The following ADGRE2 variants were observed in gnomAD, a reference collection of about 807,000 sequenced individuals.
ADGRE2 encodes CD97 antigen.
ADGRE2 carries 83 observed loss-of-function variants against 100.8 expected under a neutral mutation model. The observed-to-expected ratio is 0.82, with a 90% CI of 0.69 to 0.99. The LOEUF is 0.99. Ranked by LOEUF, ADGRE2 falls within the 50% of genes least tolerant of loss-of-function variation. The pLI, the probability that ADGRE2 is intolerant of heterozygous loss-of-function variation, is 0.00. For missense variants in ADGRE2, 814 were observed against 1,035.7 expected, an observed-to-expected ratio of 0.79 and a Z score of 2.94; for synonymous variants, 355 against 413.0, an observed-to-expected ratio of 0.86 and a Z score of 1.70.
intron 11 of ADGRE2, 134 bp downstream of exon 11, chr19:14,764,299 T>C: frequency 2.6e-6 from 2 of 769,924 alleles, no homozygotes; most frequent in Non-Finnish European, 2.1e-6. Flanking sequence ...TATTTCTTTT[T>C]AATCTCTTAT....
In ADGRE2 at chr19:14,735,121, CTT is replaced by C. The variant is rs2042724992; in HGVS notation, c.*1113_*1114del. 6.6e-6 allele frequency: 1 copy of C among 152,178 alleles called. No individual in the cohort carries two copies. Among genetic ancestry groups the C allele is most frequent in the Non-Finnish European group, 1.5e-5 (1 of 68,020 alleles). The allele number at this position is 152,178 out of a possible 1,614,324, so 9.4% of individuals were successfully genotyped here. A position where few individuals can be genotyped will look rare whatever the true frequency, so the allele number is the denominator to read the frequency against. On this transcript the variant is annotated 3_prime_UTR_variant, in exon 21 of 21. Transcript: ENST00000315576. ...CTGCAGCTCGATTTTACAGGCTGTT[CTT>C]TGTTAGAAAAGAAAATGATTTTGGG...
chr19:14,739,524 T>A (rs1369682417), intron 20 of ADGRE2, among the ~76,000 whole-genome samples: 1 of 152,134 alleles, frequency 6.6e-6, no homozygotes, highest in East Asian at 1.9e-4. Context: ...GGTGAAAGGG[T>A]GATAAATATT....
chr19:14,761,178 C>T (rs1326103149), intron 11 of ADGRE2, among the ~76,000 whole-genome samples: 13 of 152,246 alleles, frequency 8.5e-5, no homozygotes, highest in Middle Eastern at 3.4e-3. Flanking sequence ...CCGAGGCAGG[C>T]GGATCACGAG....
At chr19:14,758,356 A>G (rs1338100292) in intron 11 of ADGRE2, among the ~76,000 whole-genome samples, 2 of 152,254 alleles carry the variant, frequency 1.3e-5, no homozygotes, top group African/African-American at 4.8e-5. Flanking sequence ...AAATAGGCAA[A>G]GGATTTGAAT....
rs1400444740 is a variant in ADGRE2 at position 14,751,599 on chromosome 19, C to T, written c.1861G>A (p.Ala621Thr). ...LATLTWMLLE[A>T]LYLFLTARNL... ...CGTGCAGTGAGGAAGAGGTACAGGG[C>T]CTCCAGCAGCATCCAGGTCAAGGTG... The change falls in exon 16 of 21, where the codon GCC becomes ACC. Residue 621 changes from alanine (A) to threonine (T), a missense_variant. Physicochemically the swap from Ala to Thr is moderately conservative, Grantham distance 58 (BLOSUM62 0). Coordinates refer to ENST00000315576, the MANE Select transcript of ADGRE2 (RefSeq NM_013447.4). 5 of 1,613,832 alleles carry T rather than the reference C, an allele frequency of 3.1e-6. No individual in the cohort carries two copies. In the South Asian group the frequency reaches 4.4e-5, roughly 14 times the overall value.
intron 15 of ADGRE2, among the ~76,000 whole-genome samples, chr19:14,751,892 T>TAC (rs149318162): frequency 0.14 from 19,925 of 139,172 alleles, 1,680 homozygotes; most frequent in Non-Finnish European, 0.2. Context: ...TATATACGTA[T>TAC]ACACACACAC....
chr19:14,751,398 T>A (rs2043278849), intron 16 of ADGRE2, 38 bp downstream of exon 16: 1 of 1,497,922 alleles, frequency 6.7e-7, no homozygotes, highest in East Asian at 2.3e-5. Context: ...GCCATGGTTA[T>A]GCCGGAGAAG....
chr19:14,740,172 G>T (rs1599782631), intron 20 of ADGRE2, among the ~76,000 whole-genome samples: 1 of 151,836 alleles, frequency 6.6e-6, no homozygotes, highest in Admixed American at 6.6e-5. Flanking sequence ...ATGTTTGGTT[G>T]TATGATTGAG....
chr19:14,726,183 T>C, the ADGRE2 span, among the ~76,000 whole-genome samples: 64 of 152,286 alleles, frequency 4.2e-4, no homozygotes, highest in African/African-American at 1.5e-3. Flanking sequence ...CTGGGCCCCT[T>C]TGAGCCAAGG....
chr19:14,736,168 C>A lies in ADGRE2; in HGVS notation c.*68G>T. ...CAGAACAAAGTCTTTTCTTTCCCCT[C>A]TAGATGGCTCAAAGATTGTTCAGAT... On this transcript the variant is annotated 3_prime_UTR_variant, in exon 21 of 21. Coordinates refer to ENST00000315576, the MANE Select transcript of ADGRE2 (RefSeq NM_013447.4). 1 of 1,488,716 alleles carries A rather than the reference C, an allele frequency of 6.7e-7. No homozygotes were observed. The highest frequency in any genetic ancestry group is 9.3e-7 in the Non-Finnish European group (1 of 1,070,304). 92.2% of individuals were successfully genotyped at this position (1,488,716 alleles called of 1,614,324 possible).
At chr19:14,736,784 AAG>A (rs1568572840) in intron 20 of ADGRE2, among the ~76,000 whole-genome samples, 4 of 144,114 alleles carry the variant, frequency 2.8e-5, no homozygotes, top group Non-Finnish European at 4.6e-5. Context: ...AGATATTTAG[AAG>A]TATAGATATT....
chr19:14,778,125 T>C (rs1252697079), intron 1 of ADGRE2, 132 bp downstream of exon 1: 1 of 152,160 alleles, frequency 6.6e-6, no homozygotes, highest in Admixed American at 6.6e-5. Flanking sequence ...TGTAAAAGCG[T>C]TCCTATTTCT....
chr19:14,765,025 T>A (rs2043902036), intron 10 of ADGRE2, among the ~76,000 whole-genome samples: 1 of 151,692 alleles, frequency 6.6e-6, no homozygotes, highest in Admixed American at 6.6e-5. Flanking sequence ...AAAAAAAAAA[T>A]GACATTGGAT....
chr19:14,752,232 C>T (rs1354411241), intron 15 of ADGRE2, 97 bp downstream of exon 15: 25 of 1,470,530 alleles, frequency 1.7e-5, no homozygotes, highest in Admixed American at 1.3e-4. Flanking sequence ...CACGCCCAGC[C>T]GGGCTATTAT....
chr19:14,731,996 CCA>C (rs1361146806), downstream of ADGRE2: 1 of 152,210 alleles, frequency 6.6e-6, no homozygotes, highest in African/African-American at 2.4e-5. Flanking sequence ...GTCCCCCAGA[CCA>C]CAGAGTCCAT....
At chr19:14,724,330 C>T in the ADGRE2 span, among the ~76,000 whole-genome samples, 1 of 152,222 alleles carries the variant, frequency 6.6e-6, no homozygotes, top group Non-Finnish European at 1.5e-5. Context: ...CTCTTCCCCA[C>T]ATAGCTTCTC....
At position 14,765,377 on chromosome 19, in the gene ADGRE2, G is replaced by A. The variant is rs1295894870; in HGVS notation, c.849C>T (p.Asp283=). ...VHSQTLSRFF[D]KVQDLGRDYK... is the part of the protein sequence containing the mutation. Reference sequence around the variant, plus strand: ...AGTCTCTGCCCAGGTCCTGGACTTTGTCGAAGAATCGGGAAAGCGTCTGCA... The same window carrying A: ...AGTCTCTGCCCAGGTCCTGGACTTTATCGAAGAATCGGGAAAGCGTCTGCA... Residue 283 remains aspartate, a synonymous_variant, in exon 10 of 21, where the codon GAC becomes GAT. Transcript: ENST00000315576. The A allele has an allele frequency of 2.5e-6, 4 of 1,614,076 alleles. No homozygotes were observed. The highest frequency in any genetic ancestry group is 3.4e-6 in the Non-Finnish European group (4 of 1,180,048).
In ADGRE2 at chr19:14,751,534, G is replaced by T; in HGVS notation, c.1926C>A (p.Phe642Leu). ...CCACAGGGAACATGAGCTTCTTCAT[G>T]AATCTGTTGATGCTTGAGTAGTTGA... Reference protein sequence around the residue: ...TVVNYSSINRFMKKLMFPVGY... With the variant: ...TVVNYSSINRLMKKLMFPVGY... Residue 642 changes from phenylalanine to leucine, a missense_variant, in exon 16 of 21, where the codon TTC becomes TTA. Around this residue, in one of 5 missense-constraint regions of ADGRE2, gnomAD observed 569 missense variants for 692.7 expected, o/e 0.82. Transcript: ENST00000315576. The T allele has an allele frequency of 6.2e-7, 1 of 1,614,106 alleles. No homozygotes were observed. Among genetic ancestry groups the T allele is most frequent in the Non-Finnish European group, 8.5e-7 (1 of 1,180,012 alleles).
chr19:14,766,101 C>T, intron 7 of ADGRE2, 134 bp downstream of exon 7: 1 of 1,506,284 alleles, frequency 6.6e-7, no homozygotes, highest in South Asian at 1.2e-5. Flanking sequence ...CTTTTCTCAT[C>T]TAGCCTCAGA....
Sources: gnomAD v4.1 joint callset for allele counts (sites outside exome capture counted in the v4.1 genomes callset) on GRCh38, gnomAD v4.1.1 for gene constraint, gnomAD v4.1.1 regional missense constraint, MANE v1.5 for transcripts, NCBI Gene and HGNC (gene_info 2026-07-23, HGNC 2026-07-21) for gene names.